RNF13: variants seen among roughly 807,000 people sequenced by gnomAD.
RNF13 encodes the protein E3 ubiquitin-protein ligase RNF13.
Under a neutral mutation model 37.7 loss-of-function variants are expected in RNF13, and 19 were observed. The ratio of observed to expected loss-of-function variants is 0.50; its 90% CI spans 0.35 to 0.74. The LOEUF is 0.74. Among genes scored for constraint, RNF13 ranks in the 30% least tolerant of loss-of-function variants. RNF13 has a pLI of 0.01. For missense variants in RNF13, 375 were observed against 453.0 expected, an observed-to-expected ratio of 0.83 and a Z score of 1.56; for synonymous variants, 144 against 157.8, an observed-to-expected ratio of 0.91 and a Z score of 0.65.
intron 4 of RNF13, among the ~76,000 whole-genome samples, chr3:149,874,735 C>G (rs561452230): frequency 6.6e-6 from 1 of 152,178 alleles, no homozygotes; most frequent in East Asian, 1.9e-4. Context: ...AAGTATGTTT[C>G]ATAAATTTGT....
chr3:149,824,505 TG>T (rs1720286609), intron 1 of RNF13, among the ~76,000 whole-genome samples: 2 of 152,350 alleles, frequency 1.3e-5, no homozygotes, highest in South Asian at 4.1e-4. Context: ...AAGCCAAGGA[TG>T]TTGGCAGCCT....
intron 1 of RNF13, among the ~76,000 whole-genome samples, chr3:149,818,103 T>A (rs988879647): frequency 1.3e-5 from 2 of 152,164 alleles, no homozygotes; most frequent in Non-Finnish European, 2.9e-5. Context: ...GAGAAGAAGG[T>A]TTACTTTTCT....
In RNF13 at chr3:149,932,388, CAA is replaced by C. The variant is rs1183830293; in HGVS notation, c.700+11163_700+11164del. Among the ~76,000 whole-genome samples the C allele has an allele frequency of 2.0e-5, 3 of 152,188 alleles. No individual in the cohort carries two copies. In the East Asian group the frequency reaches 5.8e-4, roughly 29 times the overall value. On this transcript the variant is annotated intron_variant, in intron 8 of 9. Transcript: ENST00000392894. ...ACAATCATCTCTTCCCAGTAGTATC[CAA>C]AGTCTTAACTCATTCCACCATCAAC... is the stretch of plus-strand genomic sequence containing the variant.
chr3:149,889,973 C>T (rs983153196), intron 4 of RNF13, among the ~76,000 whole-genome samples: 2 of 152,188 alleles, frequency 1.3e-5, no homozygotes, highest in African/African-American at 4.8e-5. Flanking sequence ...TCGCGCCCGG[C>T]CTGAACATTT....
intron 3 of RNF13, among the ~76,000 whole-genome samples, chr3:149,861,304 A>G (rs1724231401): frequency 6.6e-6 from 1 of 152,182 alleles, no homozygotes; most frequent in Non-Finnish European, 1.5e-5. Context: ...AAGGAAAAGA[A>G]GTGTATCAAA....
chr3:149,924,381 A>G (rs1480610797), intron 8 of RNF13, among the ~76,000 whole-genome samples: 1 of 152,172 alleles, frequency 6.6e-6, no homozygotes, highest in Non-Finnish European at 1.5e-5. Flanking sequence ...TTACCAAGAG[A>G]GTGCGTACAG....
In RNF13 at chr3:149,877,153, G is replaced by A. The variant is rs565577755; in HGVS notation, c.321+4999G>A. Reference sequence around the variant, plus strand: ...TGTGAGAGAAAAATATCATGTTTTAGATTCTGTAGTGCTAGTGCCTAATGC... The same window carrying A: ...TGTGAGAGAAAAATATCATGTTTTAAATTCTGTAGTGCTAGTGCCTAATGC... On this transcript the variant is annotated intron_variant, in intron 4 of 9. Coordinates refer to ENST00000392894, the MANE Select transcript of RNF13 (RefSeq NM_183381.3). 3.3e-5 allele frequency among the ~76,000 whole-genome samples: 5 copies of A among 152,194 alleles called. No homozygotes were observed. The South Asian group carries it at 1.0e-3, about 32-fold the overall frequency.
intron 3 of RNF13, among the ~76,000 whole-genome samples, chr3:149,860,256 T>TAAAAAAAAAAAAA (rs764889596): frequency 2.1e-4 from 12 of 57,804 alleles, no homozygotes; most frequent in Non-Finnish European, 3.3e-4. Flanking sequence ...AGACTCCATC[T>TAAAAAAAAAAAAA]AAAAAAAAAA....
chr3:149,933,519 T>A (rs1233093344), intron 8 of RNF13, among the ~76,000 whole-genome samples: 1 of 152,070 alleles, frequency 6.6e-6, no homozygotes, highest in East Asian at 1.9e-4. Flanking sequence ...TTTTTGTATG[T>A]TGATTTTATA....
chr3:149,923,162 G>C (rs569021893), intron 8 of RNF13, among the ~76,000 whole-genome samples: 1 of 152,038 alleles, frequency 6.6e-6, no homozygotes, highest in Non-Finnish European at 1.5e-5. Context: ...GAAATGAATA[G>C]ACATTTCTAA....
chr3:149,922,126 A>G (rs1718194372), intron 8 of RNF13, among the ~76,000 whole-genome samples: 3 of 152,024 alleles, frequency 2.0e-5, no homozygotes, highest in Non-Finnish European at 2.9e-5. Context: ...GATGCCTGCC[A>G]CTGCACCCAG....
At chr3:149,900,459 A>C (rs1355612106) in intron 5 of RNF13, among the ~76,000 whole-genome samples, 1 of 152,106 alleles carries the variant, frequency 6.6e-6, no homozygotes, top group East Asian at 1.9e-4. Flanking sequence ...CTGTAGCCCC[A>C]GCTACTTGGG....
At chr3:149,947,754 G>A (rs750231041) in intron 8 of RNF13, among the ~76,000 whole-genome samples, 12 of 152,040 alleles carry the variant, frequency 7.9e-5, no homozygotes, top group Non-Finnish European at 8.8e-5. Flanking sequence ...TTTGATGTTA[G>A]ATGTGTATAT....
chr3:149,860,272 T>A (rs28858770), intron 3 of RNF13, among the ~76,000 whole-genome samples: 10,793 of 95,810 alleles, frequency 0.11, 576 homozygotes, highest in African/African-American at 0.18. Context: ...AAAAAAAAAA[T>A]ATATATATAT....
At chr3:149,895,424 C>T in intron 4 of RNF13, 49 bp from the exon 5 acceptor site, 1 of 1,129,100 alleles carries the variant, frequency 8.9e-7, no homozygotes, top group Non-Finnish European at 1.3e-6. Flanking sequence ...AAAGACAAAC[C>T]ACTGTCTTCC....
chr3:149,873,846 A>G (rs1712374357), intron 4 of RNF13, among the ~76,000 whole-genome samples: 1 of 152,124 alleles, frequency 6.6e-6, no homozygotes, highest in Admixed American at 6.5e-5. Context: ...TATTGAATAT[A>G]TATATCTCAC....
intron 3 of RNF13, among the ~76,000 whole-genome samples, chr3:149,856,898 C>T (rs1723709648): frequency 6.6e-6 from 1 of 152,194 alleles, no homozygotes; most frequent in Admixed American, 6.5e-5. Flanking sequence ...CAGGCGCCCG[C>T]CACTACGCAC....
chr3:149,934,207 G>T (rs1719457324), intron 8 of RNF13, among the ~76,000 whole-genome samples: 1 of 151,768 alleles, frequency 6.6e-6, no homozygotes, highest in Admixed American at 6.6e-5. Flanking sequence ...TATATTCTAG[G>T]GTATTGATTG....
chr3:149,869,527 A>T (rs1031913834), intron 3 of RNF13, among the ~76,000 whole-genome samples: 1 of 150,636 alleles, frequency 6.6e-6, no homozygotes, highest in African/African-American at 2.4e-5. Flanking sequence ...AATGGCATGA[A>T]CCCGGGAGGC....
Sources: gnomAD v4.1 joint callset for allele counts (sites outside exome capture counted in the v4.1 genomes callset) on GRCh38, gnomAD v4.1.1 for gene constraint, MANE v1.5 for transcripts, NCBI Gene and HGNC (gene_info 2026-07-23, HGNC 2026-07-21) for gene names.